NT5DC3: variants seen among roughly 807,000 people sequenced by gnomAD.
NT5DC3 encodes the protein 5'-nucleotidase domain containing 3.
Under a neutral mutation model 67.8 loss-of-function variants are expected in NT5DC3, and 42 were observed. The ratio of observed to expected loss-of-function variants is 0.62; its 90% CI spans 0.48 to 0.80. The LOEUF (loss-of-function observed/expected upper bound fraction) is 0.80, where lower values mean the gene tolerates loss of function less well. Ranked by LOEUF, NT5DC3 falls within the 30% of genes least tolerant of loss-of-function variation. The pLI is 0.00. For synonymous variants in NT5DC3, 237 were observed against 255.6 expected, an observed-to-expected ratio of 0.93 and a Z score of 0.69; for missense variants, 570 against 696.4, an observed-to-expected ratio of 0.82 and a Z score of 2.04.
At chr12:103,790,131 G>T (rs776664515) in intron 9 of NT5DC3, among the ~76,000 whole-genome samples, 1 of 151,714 alleles carries the variant, frequency 6.6e-6, no homozygotes, top group South Asian at 2.1e-4. Flanking sequence ...TGGAGAAAGG[G>T]TCTCACTCTG....
chr12:103,806,579 GA>G (rs34406071), intron 3 of NT5DC3, among the ~76,000 whole-genome samples: 3 of 151,992 alleles, frequency 2.0e-5, no homozygotes, highest in African/African-American at 4.8e-5. Context: ...AAAGACAGGG[GA>G]AAAAAATAGA....
chr12:103,809,440 C>T (rs185131382), intron 2 of NT5DC3, among the ~76,000 whole-genome samples: 242 of 152,288 alleles, frequency 1.6e-3, no homozygotes, highest in African/African-American at 5.7e-3. Context: ...GTCCAAAGAC[C>T]ACAGTGAGTG....
chr12:103,804,338 G>C (rs940743539), intron 4 of NT5DC3, among the ~76,000 whole-genome samples: 2 of 152,102 alleles, frequency 1.3e-5, no homozygotes, highest in African/African-American at 4.8e-5. Flanking sequence ...GGCCTGCAAG[G>C]GGTATACCCA....
At chr12:103,796,830 CTG>C in intron 6 of NT5DC3, 62 bp downstream of exon 6, 1 of 1,577,880 alleles carries the variant, frequency 6.3e-7, no homozygotes, top group Admixed American at 1.7e-5. Flanking sequence ...GTTCAAGACT[CTG>C]TGACTCCCAC....
intron 11 of NT5DC3, 51 bp from the exon 12 acceptor site, chr12:103,785,526 C>T: frequency 6.3e-7 from 1 of 1,587,888 alleles, no homozygotes; most frequent in South Asian, 1.1e-5. Context: ...AGAATCTAAA[C>T]TATGTCATTA....
chr12:103,823,362 A>T (rs946045683), intron 1 of NT5DC3, among the ~76,000 whole-genome samples: 3 of 152,204 alleles, frequency 2.0e-5, no homozygotes, highest in Non-Finnish European at 4.4e-5. Flanking sequence ...ACTATATACC[A>T]GGCACTAAGA....
chr12:103,762,550 C>A, the NT5DC3 span: 1 of 1,176,032 alleles, frequency 8.5e-7, no homozygotes. Context: ...CCACCCCACG[C>A]TTACTGCTGC....
At chr12:103,764,214 A>G in the NT5DC3 span, among the ~76,000 whole-genome samples, 93 of 152,278 alleles carry the variant, frequency 6.1e-4, no homozygotes, top group African/African-American at 2.1e-3. Flanking sequence ...CGGCCTCCCA[A>G]AGTGCTGGGA....
At chr12:103,770,502 A>G (rs1467737276), downstream of NT5DC3, 1 of 151,756 alleles carries the variant, frequency 6.6e-6, no homozygotes, top group African/African-American at 2.4e-5. Flanking sequence ...TAGCTCAATC[A>G]TGGCTCACTG....
chr12:103,782,594 T>C (rs796847722), intron 12 of NT5DC3, among the ~76,000 whole-genome samples: 17 of 152,320 alleles, frequency 1.1e-4, no homozygotes, highest in African/African-American at 3.6e-4. Flanking sequence ...TGCTGACCTG[T>C]GGTCTAAATG....
chr12:103,836,828 C>T (rs1039903681), intron 1 of NT5DC3, among the ~76,000 whole-genome samples: 2 of 152,062 alleles, frequency 1.3e-5, no homozygotes, highest in African/African-American at 2.4e-5. Context: ...GCTGCTTTCA[C>T]GGGTGGGCGT....
chr12:103,757,984 C>T, the NT5DC3 span: 20 of 801,904 alleles, frequency 2.5e-5, no homozygotes, highest in Admixed American at 5.0e-4. Context: ...ATAGGATTCA[C>T]TGAGGAAAGG....
intron 4 of NT5DC3, among the ~76,000 whole-genome samples, chr12:103,805,090 C>T (rs1886742956): frequency 6.6e-6 from 1 of 150,784 alleles, no homozygotes; most frequent in Admixed American, 6.6e-5. Flanking sequence ...CCAGGCAAGA[C>T]CTTCTGAGTC....
the NT5DC3 span, chr12:103,759,122 T>C: frequency 1.7e-4 from 279 of 1,614,068 alleles, 3 homozygotes; most frequent in Middle Eastern, 3.1e-3. Flanking sequence ...GTGTTTCTCC[T>C]TTTTTCTCAG....
the NT5DC3 span, chr12:103,763,492 T>C: frequency 6.2e-7 from 1 of 1,613,728 alleles, no homozygotes; most frequent in African/African-American, 1.3e-5. Flanking sequence ...TTCCAAACAG[T>C]CGGAAGAGGA....
At chr12:103,806,774 G>A (rs539219240) in intron 3 of NT5DC3, 81 bp downstream of exon 3, 101 of 887,110 alleles carry the variant, frequency 1.1e-4, no homozygotes, top group Admixed American at 4.6e-4. Context: ...TAATTTGCCC[G>A]TTCAGTAAAG....
At chr12:103,786,988 G>A (rs1212950362) in intron 11 of NT5DC3, among the ~76,000 whole-genome samples, 1 of 152,060 alleles carries the variant, frequency 6.6e-6, no homozygotes, top group African/African-American at 2.4e-5. Context: ...CAGCCCACTG[G>A]TTCAGTTTCT....
rs1042331085 is a variant in NT5DC3, at chr12:103,788,935, G to A, written c.1020-16C>T. On this transcript the variant is annotated splice_polypyrimidine_tract_variant and intron_variant, in intron 9 of 13. Coordinates refer to ENST00000392876, the MANE Select transcript of NT5DC3 (RefSeq NM_001031701.3). ...TCGGAAAGGCCTAACAACAGAAATG[G>A]GAAACATTATGACATGGAGTAGTAC... The A allele has an allele frequency of 6.5e-6, 10 of 1,550,004 alleles. No individual in the cohort carries two copies. In the African/African-American group the frequency reaches 8.2e-5, roughly 13 times the overall value.
downstream of NT5DC3, among the ~76,000 whole-genome samples, chr12:103,767,791 T>G (rs1379320047): frequency 6.6e-6 from 1 of 151,504 alleles, no homozygotes; most frequent in Non-Finnish European, 1.5e-5. Flanking sequence ...CAGTTAAAAT[T>G]AACACTTGAG....
Sources: gnomAD v4.1 joint callset for allele counts (sites outside exome capture counted in the v4.1 genomes callset) on GRCh38, gnomAD v4.1.1 for gene constraint, MANE v1.5 for transcripts, NCBI Gene and HGNC (gene_info 2026-07-23, HGNC 2026-07-21) for gene names.